The following MAN1A2 variants were observed in gnomAD, a reference collection of about 807,000 sequenced individuals.
MAN1A2 encodes mannosyl-oligosaccharide 1,2-alpha-mannosidase IB.
MAN1A2 carries 26 observed loss-of-function variants against 75.7 expected under a neutral mutation model. The ratio of observed to expected loss-of-function variants is 0.34; its 90% CI spans 0.25 to 0.48. MAN1A2 has a LOEUF of 0.48. Ranked by LOEUF, MAN1A2 falls within the 20% of genes least tolerant of loss-of-function variation. The probability of loss-of-function intolerance (pLI) is 0.99; values close to 1 mark genes in which losing one functional copy is unlikely to be tolerated. For missense variants in MAN1A2, 562 were observed against 775.5 expected (o/e 0.72, Z 3.27); for synonymous variants, 247 against 264.6 (o/e 0.93, Z 0.65).
chr1:117,463,371 C>A lies in MAN1A2; in HGVS notation c.1074+2759C>A, dbSNP rs570635399. Reference sequence around the variant, plus strand: ...TCTGTCTTGCCAGGGAGACCAGTGCCCAGGGCGTCAAATATGTAATTGCCT... The same window carrying A: ...TCTGTCTTGCCAGGGAGACCAGTGCACAGGGCGTCAAATATGTAATTGCCT... On this transcript the variant is annotated intron_variant, in intron 7 of 12. Coordinates refer to ENST00000356554, the MANE Select transcript of MAN1A2 (RefSeq NM_006699.5). Among the ~76,000 whole-genome samples the A allele has an allele frequency of 9.9e-5, 15 of 152,040 alleles. No individual in the cohort carries two copies. In the East Asian group the frequency reaches 2.7e-3, roughly 27 times the overall value.
intron 1 of MAN1A2, among the ~76,000 whole-genome samples, chr1:117,376,802 T>C (rs1396411211): frequency 6.6e-6 from 1 of 152,228 alleles, no homozygotes; most frequent in Non-Finnish European, 1.5e-5. Context: ...GTGTCTGTAC[T>C]GAACATGTAC....
chr1:117,381,357 C>T (rs567597595), intron 1 of MAN1A2, among the ~76,000 whole-genome samples: 1 of 152,072 alleles, frequency 6.6e-6, no homozygotes, highest in African/African-American at 2.4e-5. Flanking sequence ...CACAACAGTC[C>T]CCAGAGTGTG....
chr1:117,375,168 A>G (rs561883527), intron 1 of MAN1A2, among the ~76,000 whole-genome samples: 1 of 152,146 alleles, frequency 6.6e-6, no homozygotes, highest in South Asian at 2.1e-4. Flanking sequence ...ACTTTAGGAT[A>G]GATTCTGTGG....
At chr1:117,426,519 C>T (rs900830781) in intron 5 of MAN1A2, among the ~76,000 whole-genome samples, 1 of 152,090 alleles carries the variant, frequency 6.6e-6, no homozygotes, top group East Asian at 1.9e-4. Flanking sequence ...ATTTAGTACA[C>T]CTAACCTACC....
chr1:117,501,829 C>G (rs1651210931), intron 11 of MAN1A2, among the ~76,000 whole-genome samples: 1 of 151,688 alleles, frequency 6.6e-6, no homozygotes, highest in Non-Finnish European at 1.5e-5. Context: ...GAACAACAAG[C>G]CATGGCAGAC....
At chr1:117,445,860 A>G (rs6677348) in intron 6 of MAN1A2, among the ~76,000 whole-genome samples, 2,506 of 60,764 alleles carry the variant, frequency 0.041, 75 homozygotes, top group African/African-American at 0.17. Flanking sequence ...GTGTGTGTGT[A>G]TGTGTGTGTG....
chr1:117,522,701 T>C (rs1651899541), intron 12 of MAN1A2, 124 bp from the exon 13 acceptor site: 3 of 794,358 alleles, frequency 3.8e-6, no homozygotes, highest in Non-Finnish European at 6.1e-6. Context: ...GGTTTATTTC[T>C]TTGATGTTTT....
chr1:117,458,770 C>T (rs551793871), intron 6 of MAN1A2, among the ~76,000 whole-genome samples: 2 of 151,810 alleles, frequency 1.3e-5, no homozygotes, highest in South Asian at 4.2e-4. Flanking sequence ...GTAATCTGCC[C>T]ACCTCGGCCT....
chr1:117,461,038 G>A (rs1649800224), intron 7 of MAN1A2, among the ~76,000 whole-genome samples: 1 of 152,062 alleles, frequency 6.6e-6, no homozygotes, highest in African/African-American at 2.4e-5. Flanking sequence ...AGTTTAATAT[G>A]TTTTTTTAAA....
chr1:117,399,175 T>G (rs1647325945), intron 1 of MAN1A2, among the ~76,000 whole-genome samples: 1 of 152,168 alleles, frequency 6.6e-6, no homozygotes, highest in African/African-American at 2.4e-5. Context: ...GGATGTTTTG[T>G]GGCATATATG....
chr1:117,370,738 A>AGTGTGTGT (rs71658400), intron 1 of MAN1A2, among the ~76,000 whole-genome samples: 14,882 of 148,182 alleles, frequency 0.1, 897 homozygotes, highest in East Asian at 0.2. Flanking sequence ...ATCTTCATTT[A>AGTGTGTGT]GTGTGTGTGT....
chr1:117,475,187 T>C (rs1650278342), intron 8 of MAN1A2, among the ~76,000 whole-genome samples: 1 of 151,942 alleles, frequency 6.6e-6, no homozygotes. Flanking sequence ...TACTTAGGAA[T>C]AGGCTGCTTT....
chr1:117,514,328 A>G (rs1330862961), intron 12 of MAN1A2, among the ~76,000 whole-genome samples: 1 of 150,668 alleles, frequency 6.6e-6, no homozygotes, highest in Admixed American at 6.7e-5. Flanking sequence ...ATGCCACTGC[A>G]CTCCAGCTGG....
intron 8 of MAN1A2, among the ~76,000 whole-genome samples, chr1:117,471,654 GT>G (rs1415010940): frequency 4.7e-5 from 7 of 147,534 alleles, no homozygotes; most frequent in East Asian, 2.0e-4. Context: ...ACTTGAGAAG[GT>G]TTTTTTTTTG....
intron 5 of MAN1A2, among the ~76,000 whole-genome samples, chr1:117,429,201 T>A (rs1327464545): frequency 1.4e-5 from 2 of 146,594 alleles, no homozygotes; most frequent in Admixed American, 6.7e-5. Context: ...CATGTCTACT[T>A]CTTTCTACAC....
intron 9 of MAN1A2, among the ~76,000 whole-genome samples, chr1:117,495,809 C>T (rs1314497171): frequency 2.0e-5 from 3 of 151,854 alleles, no homozygotes; most frequent in Admixed American, 6.6e-5. Flanking sequence ...TCTTTTTGTG[C>T]TTCAGAGTGC....
chr1:117,382,708 A>G (rs575599080), intron 1 of MAN1A2, among the ~76,000 whole-genome samples: 27 of 152,186 alleles, frequency 1.8e-4, no homozygotes, highest in African/African-American at 5.8e-4. Context: ...GTTTTTTCCA[A>G]TTCTGTGAAG....
intron 12 of MAN1A2, among the ~76,000 whole-genome samples, chr1:117,516,323 G>A (rs1651713051): frequency 6.6e-6 from 1 of 152,128 alleles, no homozygotes; most frequent in Admixed American, 6.6e-5. Flanking sequence ...TGTATTTAAT[G>A]TCCATTTTCA....
At chr1:117,461,310 C>T (rs533089274) in intron 7 of MAN1A2, among the ~76,000 whole-genome samples, 41 of 152,122 alleles carry the variant, frequency 2.7e-4, no homozygotes, top group African/African-American at 7.9e-4. Context: ...TAGAAAGACA[C>T]GTATTATGTG....
Sources: allele counts gnomAD v4.1 joint callset (sites outside exome capture counted in the v4.1 genomes callset), GRCh38; gene constraint gnomAD v4.1.1; transcripts MANE v1.5; gene names NCBI Gene and HGNC (gene_info 2026-07-23, HGNC 2026-07-21).